The following TBC1D16 variants were observed in gnomAD, a reference collection of about 807,000 sequenced individuals.
TBC1D16 encodes the protein TBC1 domain family member 16, also known as CTD-2529O21.1.
In TBC1D16, 58 loss-of-function variants were observed where a neutral mutation model predicts 74.7. That is an observed-to-expected ratio of 0.78 (90% confidence interval 0.63 to 0.97). The LOEUF is 0.97. TBC1D16 is among the 50% of genes least tolerant of loss of function. The pLI is 0.00. For synonymous variants in TBC1D16, 493 were observed against 474.7 expected, an observed-to-expected ratio of 1.04 and a Z score of -0.50; for missense variants, 1,014 against 1,079.5, an observed-to-expected ratio of 0.94 and a Z score of 0.85.
intron 3 of TBC1D16, among the ~76,000 whole-genome samples, chr17:79,960,983 C>A (rs2033591699): frequency 6.6e-6 from 1 of 151,840 alleles, no homozygotes; most frequent in Non-Finnish European, 1.5e-5. Context: ...AGGTATTTAC[C>A]CAAAATACAT....
chr17:79,952,526 C>T, intron 4 of TBC1D16, 131 bp downstream of exon 4: 1 of 1,168,906 alleles, frequency 8.6e-7, no homozygotes, highest in Non-Finnish European at 1.2e-6. Flanking sequence ...GGGAGGAAAG[C>T]AGACGCTTGG....
chr17:79,982,783 C>T (rs756249534), intron 3 of TBC1D16, among the ~76,000 whole-genome samples: 4 of 152,216 alleles, frequency 2.6e-5, no homozygotes, highest in South Asian at 2.1e-4. Context: ...GACTTGAACC[C>T]AGGGGGCGGA....
rs1009494640 is a variant in TBC1D16, at chr17:79,943,905, T to C, written c.1908+1003A>G. 2.1e-6 allele frequency: 3 copies of C among 1,406,764 alleles called. No individual in the cohort carries two copies. In the African/African-American group the frequency reaches 4.4e-5, roughly 20 times the overall value. The allele number at this position is 1,406,764 out of a possible 1,614,324, so 87.1% of individuals were successfully genotyped here. On this transcript the variant is annotated intron_variant, in intron 10 of 11. Transcript: ENST00000310924. The stretch of plus-strand genomic sequence containing the variant: ...ACGATTTTTTTTAATTCGGGAGTGG[T>C]GGGAATGAAGCCTCTCAGACCGTCC...
At chr17:79,991,721 G>A (rs1262677881) in intron 3 of TBC1D16, among the ~76,000 whole-genome samples, 1 of 149,352 alleles carries the variant, frequency 6.7e-6, no homozygotes, top group Admixed American at 6.6e-5. Flanking sequence ...GGCGGGGCGG[G>A]GAGGGGGAGG....
At chr17:79,951,648 CG>C in intron 4 of TBC1D16, 51 bp from the exon 5 acceptor site, 1 of 1,586,578 alleles carries the variant, frequency 6.3e-7, no homozygotes, top group Non-Finnish European at 8.6e-7. Flanking sequence ...TATGTAAACA[CG>C]GGGGTTTTAT....
In TBC1D16 at chr17:80,009,841, C is replaced by T. The variant is rs1461251268; in HGVS notation, c.779+319G>A. Reference sequence around the variant, plus strand: ...TGGGAACAGAAGGGACCAGGACTCCCGGGGGCTTAGCCTTGGTCATGGGCC... The same window carrying T: ...TGGGAACAGAAGGGACCAGGACTCCTGGGGGCTTAGCCTTGGTCATGGGCC... On this transcript the variant is annotated intron_variant, in intron 3 of 11. Coordinates refer to ENST00000310924, the MANE Select transcript of TBC1D16 (RefSeq NM_019020.4). The surrounding 1 kb of genome is among the most constrained non-coding windows in gnomAD (Gnocchi z 5.4). Among the ~76,000 whole-genome samples, 2 of 152,168 alleles carry T rather than the reference C, an allele frequency of 1.3e-5. No homozygotes were observed. The highest frequency in any genetic ancestry group is 2.9e-5 in the Non-Finnish European group (2 of 68,014).
intron 1 of TBC1D16, among the ~76,000 whole-genome samples, chr17:80,033,754 A>T (rs2036851013): frequency 1.3e-5 from 2 of 152,210 alleles, no homozygotes; most frequent in African/African-American, 4.8e-5. Context: ...GACCAGTGCA[A>T]TTGTAGGTAG....
Position 79,950,670 on chromosome 17 carries a change from CTCTT to C in TBC1D16, c.1090-96_1090-93del. ...TTTTCCCAGGAATAAAAGCCTCTCT[CTCTT>C]CTGAAAGGAGGGCAAGGGCCGTCCC... is the stretch of plus-strand genomic sequence containing the variant. On this transcript the variant is annotated intron_variant, in intron 5 of 11. Transcript: ENST00000310924. The surrounding 1 kb of genome is among the most constrained non-coding windows in gnomAD (Gnocchi z 4.6). 6.4e-7 allele frequency: 1 copy of C among 1,556,122 alleles called. No homozygotes were observed. The highest frequency in any genetic ancestry group is 8.7e-7 in the Non-Finnish European group (1 of 1,148,694).
intron 2 of TBC1D16, among the ~76,000 whole-genome samples, chr17:80,013,140 T>C (rs1191479761): frequency 6.6e-6 from 1 of 152,274 alleles, no homozygotes; most frequent in Non-Finnish European, 1.5e-5. Flanking sequence ...ACCCATCTTT[T>C]GTCCCTCCCT....
rs150150418 is a variant in TBC1D16, at chr17:79,979,389, C to T, written c.780-26571G>A. Among the ~76,000 whole-genome samples, 10 of 152,300 alleles carry T rather than the reference C, an allele frequency of 6.6e-5. No homozygotes were observed. The highest frequency in any genetic ancestry group is 2.4e-4 in the African/African-American group (10 of 41,578). On this transcript the variant is annotated intron_variant, in intron 3 of 11. Transcript: ENST00000310924. The surrounding 1 kb of genome is among the most constrained non-coding windows in gnomAD (Gnocchi z 4.8). ...TCAAGGGCTCAGGCATCCCCAGTGC[C>T]GCCAATCACGTGGCCCTCTCGAGGT...
Position 80,010,568 on chromosome 17 carries a change from TG to T in TBC1D16, c.370del (p.Gln124SerfsTer11). On this transcript the variant is annotated frameshift_variant, in exon 3 of 12. Coordinates refer to ENST00000310924, the MANE Select transcript of TBC1D16 (RefSeq NM_019020.4). LOFTEE classifies it high-confidence loss of function. This position sits in a 1 kb window ranked among gnomAD's most constrained non-coding sequence, Gnocchi z 8.8. ...RRTRSSGASHQPSPTELRPTL... is the reference protein window; with the variant it reads ...RRTRSSGASHXPSPTELRPTL... ...AGGCCGCAGCTCCGTCGGGGAGGGC[TG>T]GTGGGAGGCTCCTGAGCTCCGGGTG... 1 of 1,602,108 alleles carries T rather than the reference TG, an allele frequency of 6.2e-7. No homozygotes were observed. The highest frequency in any genetic ancestry group is 8.5e-7 in the Non-Finnish European group (1 of 1,176,200).
Position 79,971,435 on chromosome 17 carries a change from G to C in TBC1D16, c.780-18617C>G, listed in dbSNP as rs74000311. Among the ~76,000 whole-genome samples the C allele has an allele frequency of 0.024, 3,660 of 152,192 alleles. 129 individuals carry two copies. The highest frequency in any genetic ancestry group is 0.083 in the African/African-American group (3,448 of 41,522). On this transcript the variant is annotated intron_variant, in intron 3 of 11. Coordinates refer to ENST00000310924, the MANE Select transcript of TBC1D16 (RefSeq NM_019020.4). The surrounding 1 kb of genome is among the most constrained non-coding windows in gnomAD (Gnocchi z 4.6). The stretch of plus-strand genomic sequence containing the variant: ...TGTGCAGAATCGGCATTGGAAGCCT[G>C]TCCCCCAGGTCATCCTGGTCTGGAA...
rs398120061 is a variant in TBC1D16, at chr17:79,971,030, TA to T, written c.780-18213del. Among the ~76,000 whole-genome samples the T allele has an allele frequency of 0.011, 1,270 of 114,746 alleles. 22 individuals carry two copies. The highest frequency in any genetic ancestry group is 0.031 in the African/African-American group (1,110 of 36,152). The allele number at this position is 114,746 out of a possible 152,430, so 75.3% of individuals were successfully genotyped here. Reference sequence around the variant, plus strand: ...ATACACTCCCTGTATTTTTATTTTTTATTTTTTTTTGAGATGGAGTCTGTCT... The same window carrying T: ...ATACACTCCCTGTATTTTTATTTTTTTTTTTTTTTGAGATGGAGTCTGTCT... On this transcript the variant is annotated intron_variant, in intron 3 of 11. Coordinates refer to ENST00000310924, the MANE Select transcript of TBC1D16 (RefSeq NM_019020.4). The surrounding 1 kb of genome is among the most constrained non-coding windows in gnomAD (Gnocchi z 4.6).
At chr17:79,945,991 G>T (rs1189692503) in intron 9 of TBC1D16, among the ~76,000 whole-genome samples, 1 of 152,170 alleles carries the variant, frequency 6.6e-6, no homozygotes, top group Non-Finnish European at 1.5e-5. Context: ...GCCAGGTCAA[G>T]CCCACTCGTG....
intron 3 of TBC1D16, among the ~76,000 whole-genome samples, chr17:79,976,786 C>A (rs141684776): frequency 1.4e-3 from 210 of 152,294 alleles, no homozygotes; most frequent in African/African-American, 4.7e-3. Context: ...AAGCCTCTTC[C>A]GTTGACAGTG....
At chr17:79,945,472 G>GC (rs34490110) in intron 9 of TBC1D16, among the ~76,000 whole-genome samples, 114 of 152,182 alleles carry the variant, frequency 7.5e-4, no homozygotes, top group Admixed American at 2.7e-3. Flanking sequence ...CATCCAGGGA[G>GC]CCCCCCCACC....
Position 79,944,245 on chromosome 17 carries a change from C to A in TBC1D16, c.1908+663G>T. 8.8e-7 allele frequency: 1 copy of A among 1,133,598 alleles called. No individual in the cohort carries two copies. 70.2% of individuals were successfully genotyped at this position (1,133,598 alleles called of 1,614,324 possible). ...TAGAGCCAGCTCCTGCAAAAGGGTCCAGCCCTCCTGGATGCGTCGATGTGA... is the reference window on the plus strand; with the variant it reads ...TAGAGCCAGCTCCTGCAAAAGGGTCAAGCCCTCCTGGATGCGTCGATGTGA... On this transcript the variant is annotated intron_variant, in intron 10 of 11. Transcript: ENST00000310924. The surrounding 1 kb of genome is among the most constrained non-coding windows in gnomAD (Gnocchi z 7.7).
At chr17:80,014,432 A>G (rs1264449735) in intron 1 of TBC1D16, among the ~76,000 whole-genome samples, 1 of 152,212 alleles carries the variant, frequency 6.6e-6, no homozygotes, top group African/African-American at 2.4e-5. Context: ...CTATAAATTC[A>G]TGGTGAAAAG....
At position 80,012,744 on chromosome 17, in the gene TBC1D16, C is replaced by A. The variant is rs547837008; in HGVS notation, c.181+623G>T. 3.2e-4 allele frequency among the ~76,000 whole-genome samples: 48 copies of A among 152,272 alleles called. No individual in the cohort carries two copies. In the South Asian group the frequency reaches 8.9e-3, roughly 28 times the overall value. The stretch of plus-strand genomic sequence containing the variant: ...TACTATTTTGCCATCTTGTCTGGGA[C>A]TTCTGTCTGTACTCTTGCCCAAGCC... On this transcript the variant is annotated intron_variant, in intron 2 of 11. Coordinates refer to ENST00000310924, the MANE Select transcript of TBC1D16 (RefSeq NM_019020.4).
Sources: allele counts gnomAD v4.1 joint callset (sites outside exome capture counted in the v4.1 genomes callset), GRCh38; gene constraint gnomAD v4.1.1; non-coding constraint Gnocchi (gnomAD v3.1); transcripts MANE v1.5; gene names NCBI Gene and HGNC (gene_info 2026-07-23, HGNC 2026-07-21).